The following CREB5 variants were observed in gnomAD, a reference collection of about 807,000 sequenced individuals.
CREB5 encodes the protein cAMP responsive element binding protein 5, also known as cyclic AMP-responsive element-binding protein 5.
Under a neutral mutation model 57.1 loss-of-function variants are expected in CREB5, and 19 were observed. That is an observed-to-expected ratio of 0.33 (90% CI 0.23 to 0.49). The LOEUF (loss-of-function observed/expected upper bound fraction) is 0.49. CREB5 is among the 20% of genes least tolerant of loss of function. The probability of loss-of-function intolerance (pLI) is 0.99; values close to 1 mark genes in which losing one functional copy is unlikely to be tolerated. For missense variants in CREB5, 579 were observed against 671.6 expected (o/e 0.86, Z 1.52); for synonymous variants, 238 against 238.3 (o/e 1.00, Z 0.01).
At chr7:28,586,029 G>A (rs1796294143) in intron 5 of CREB5, among the ~76,000 whole-genome samples, 1 of 152,118 alleles carries the variant, frequency 6.6e-6, no homozygotes, top group African/African-American at 2.4e-5. Flanking sequence ...TTTGGATGGA[G>A]TGATCCTGGG....
At chr7:28,608,156 C>G (rs528375569) in intron 5 of CREB5, among the ~76,000 whole-genome samples, 6 of 151,376 alleles carry the variant, frequency 4.0e-5, no homozygotes, top group Middle Eastern at 6.8e-3. Flanking sequence ...CACACACACA[C>G]TCTCAAACTT....
intron 5 of CREB5, among the ~76,000 whole-genome samples, chr7:28,667,592 AAG>A (rs1413609779): frequency 2.1e-5 from 3 of 140,528 alleles, no homozygotes; most frequent in Admixed American, 2.1e-4. Context: ...AAAAAAATAA[AAG>A]AGAGAAAAGA....
chr7:28,725,684 G>GAAAGA (rs1161495466), intron 7 of CREB5, among the ~76,000 whole-genome samples: 9 of 145,224 alleles, frequency 6.2e-5, no homozygotes, highest in Non-Finnish European at 3.1e-5. Context: ...AGAAAGAAAA[G>GAAAGA]AAAGAAAAGA....
At chr7:28,642,997 C>T (rs57267764) in intron 5 of CREB5, among the ~76,000 whole-genome samples, 2,134 of 127,282 alleles carry the variant, frequency 0.017, 51 homozygotes, top group African/African-American at 0.051. Flanking sequence ...TACACACACA[C>T]ACACACACAC....
At chr7:28,813,846 C>A (rs972210226) in intron 9 of CREB5, among the ~76,000 whole-genome samples, 4 of 152,096 alleles carry the variant, frequency 2.6e-5, no homozygotes, top group African/African-American at 9.7e-5. Flanking sequence ...AAACAGCTAA[C>A]TGCTTTAGAG....
chr7:28,468,351 T>C (rs575442442), intron 1 of CREB5, among the ~76,000 whole-genome samples: 1 of 152,360 alleles, frequency 6.6e-6, no homozygotes, highest in Non-Finnish European at 1.5e-5. Flanking sequence ...TTTGGGATGT[T>C]GTCACATAGA....
intron 1 of CREB5, among the ~76,000 whole-genome samples, chr7:28,390,963 T>G (rs189859452): frequency 6.6e-6 from 1 of 150,426 alleles, no homozygotes; most frequent in East Asian, 2.0e-4. Flanking sequence ...ATATAATATA[T>G]GTATAGCACT....
At chr7:28,523,391 G>T (rs1793294597) in intron 4 of CREB5, among the ~76,000 whole-genome samples, 2 of 152,148 alleles carry the variant, frequency 1.3e-5, no homozygotes, top group Admixed American at 1.3e-4. Flanking sequence ...GTTTATTGAG[G>T]TCTTAATGTG....
chr7:28,799,799 T>C (rs750080545), intron 7 of CREB5, among the ~76,000 whole-genome samples: 1 of 152,338 alleles, frequency 6.6e-6, no homozygotes, highest in South Asian at 2.1e-4. Flanking sequence ...AGCAGTAAAC[T>C]GTTTTGACTG....
At chr7:28,320,953 C>T (rs767978432) in intron 1 of CREB5, among the ~76,000 whole-genome samples, 1 of 152,288 alleles carries the variant, frequency 6.6e-6, no homozygotes, top group East Asian at 1.9e-4. Context: ...GAGGAGAACA[C>T]GGACTCGGGA....
intron 7 of CREB5, among the ~76,000 whole-genome samples, chr7:28,728,914 T>C (rs1005537098): frequency 3.0e-4 from 45 of 152,338 alleles, no homozygotes; most frequent in Middle Eastern, 3.4e-3. Context: ...ATTTTTTTTT[T>C]CCTGGAGAGA....
intron 1 of CREB5, among the ~76,000 whole-genome samples, chr7:28,480,720 T>A (rs530314110): frequency 1.3e-5 from 2 of 152,376 alleles, no homozygotes; most frequent in South Asian, 4.1e-4. Flanking sequence ...AGAGATGTGA[T>A]GTCTTCTGCA....
chr7:28,673,850 T>G (rs183367308), intron 5 of CREB5, among the ~76,000 whole-genome samples: 1 of 151,838 alleles, frequency 6.6e-6, no homozygotes, highest in Non-Finnish European at 1.5e-5. Flanking sequence ...ATTTTTGTAT[T>G]TTTTGTAGAG....
At chr7:28,495,704 A>C (rs943414792) in intron 3 of CREB5, among the ~76,000 whole-genome samples, 4 of 152,194 alleles carry the variant, frequency 2.6e-5, no homozygotes, top group African/African-American at 9.7e-5. Context: ...AACTTAGCTA[A>C]AATAAAGGAT....
At chr7:28,657,709 T>C (rs1455084185) in intron 5 of CREB5, among the ~76,000 whole-genome samples, 60 of 104,696 alleles carry the variant, frequency 5.7e-4, no homozygotes, top group Non-Finnish European at 9.2e-4. Flanking sequence ...AGAGCAAGAC[T>C]CTCTCTCGAA....
At chr7:28,404,100 C>A (rs1787530201) in intron 1 of CREB5, among the ~76,000 whole-genome samples, 1 of 152,154 alleles carries the variant, frequency 6.6e-6, no homozygotes, top group Non-Finnish European at 1.5e-5. Context: ...CAAGCTCAAC[C>A]ACCTTTATTT....
At chr7:28,508,430 A>T (rs1395652879) in intron 4 of CREB5, among the ~76,000 whole-genome samples, 3 of 152,258 alleles carry the variant, frequency 2.0e-5, no homozygotes, top group Non-Finnish European at 2.9e-5. Context: ...TTGAATGCCC[A>T]CATTGTATTA....
chr7:28,596,646 C>T (rs979795060), intron 5 of CREB5, among the ~76,000 whole-genome samples: 11 of 152,184 alleles, frequency 7.2e-5, no homozygotes, highest in Non-Finnish European at 1.6e-4. Context: ...TGGGTCCAAG[C>T]CTGGGCCCTG....
At chr7:28,683,088 C>T (rs1021016624) in intron 5 of CREB5, among the ~76,000 whole-genome samples, 8 of 152,102 alleles carry the variant, frequency 5.3e-5, no homozygotes, top group Non-Finnish European at 8.8e-5. Context: ...GCCTGTTGGC[C>T]GGGGGCTACT....
Sources: allele counts gnomAD v4.1 joint callset (sites outside exome capture counted in the v4.1 genomes callset), GRCh38; gene constraint gnomAD v4.1.1; transcripts MANE v1.5; gene names NCBI Gene and HGNC (gene_info 2026-07-23, HGNC 2026-07-21).